Variants in SCHIP1 observed in about 807,000 individuals in gnomAD.
SCHIP1 encodes schwannomin-interacting protein 1.
A neutral mutation model predicts 29.7 loss-of-function variants in SCHIP1; 8 were observed. The observed-to-expected ratio is 0.27, with a 90% CI of 0.16 to 0.49. SCHIP1 has a LOEUF of 0.49. Ranked by LOEUF, SCHIP1 falls within the 20% of genes least tolerant of loss-of-function variation. SCHIP1 has a pLI of 0.99. For synonymous variants in SCHIP1, 76 were observed against 94.9 expected (o/e 0.80, Z 1.16); for missense variants, 193 against 294.6 (o/e 0.66, Z 2.52).
chr3:159,622,381 G>A, the SCHIP1 span, among the ~76,000 whole-genome samples: 1 of 152,028 alleles, frequency 6.6e-6, no homozygotes, highest in Non-Finnish European at 1.5e-5. Context: ...AGCATCTGTA[G>A]GCATAAAAGA....
chr3:159,462,103 G>A, the SCHIP1 span, among the ~76,000 whole-genome samples: 1 of 151,944 alleles, frequency 6.6e-6, no homozygotes, highest in African/African-American at 2.4e-5. Context: ...CTAGCTACTT[G>A]GGAGGCTGAG....
the SCHIP1 span, among the ~76,000 whole-genome samples, chr3:159,638,824 C>T: frequency 6.6e-6 from 1 of 151,874 alleles, no homozygotes; most frequent in South Asian, 2.1e-4. Flanking sequence ...TGAATATTCA[C>T]ATAATATTGA....
At chr3:159,318,953 C>A in the SCHIP1 span, among the ~76,000 whole-genome samples, 1 of 152,152 alleles carries the variant, frequency 6.6e-6, no homozygotes, top group African/African-American at 2.4e-5. Context: ...TAGTTATCTG[C>A]AGAAGATGGC....
At chr3:159,428,385 G>C in the SCHIP1 span, among the ~76,000 whole-genome samples, 1 of 151,518 alleles carries the variant, frequency 6.6e-6, no homozygotes, top group Non-Finnish European at 1.5e-5. Context: ...AGTGGGCAAA[G>C]GACATGAACA....
the SCHIP1 span, among the ~76,000 whole-genome samples, chr3:159,831,901 T>G: frequency 9.2e-6 from 1 of 109,082 alleles, no homozygotes; most frequent in Non-Finnish European, 2.0e-5. Flanking sequence ...GGGGAATGAT[T>G]GTATGTCTGT....
chr3:159,572,184 T>C, the SCHIP1 span, among the ~76,000 whole-genome samples: 1 of 151,796 alleles, frequency 6.6e-6, no homozygotes, highest in Admixed American at 6.6e-5. Context: ...ATGTGTTTGC[T>C]CTTCTCTATT....
chr3:159,628,614 C>T, the SCHIP1 span, among the ~76,000 whole-genome samples: 1 of 151,958 alleles, frequency 6.6e-6, no homozygotes, highest in East Asian at 1.9e-4. Flanking sequence ...GAAAAAAATA[C>T]AAGAATTGAA....
the SCHIP1 span, among the ~76,000 whole-genome samples, chr3:159,675,901 G>A: frequency 6.6e-6 from 1 of 152,148 alleles, no homozygotes; most frequent in Non-Finnish European, 1.5e-5. Context: ...GGAGGCTGAG[G>A]GGGGCGGATC....
At chr3:159,593,818 C>G in the SCHIP1 span, among the ~76,000 whole-genome samples, 1 of 152,226 alleles carries the variant, frequency 6.6e-6, no homozygotes, top group Non-Finnish European at 1.5e-5. Flanking sequence ...ATAGATCATG[C>G]TACTGCAAAT....
chr3:159,494,638 G>A, the SCHIP1 span, among the ~76,000 whole-genome samples: 1 of 152,134 alleles, frequency 6.6e-6, no homozygotes, highest in Admixed American at 6.5e-5. Context: ...AAAAAGTCCA[G>A]GACCAGATGG....
chr3:159,667,709 C>CA, the SCHIP1 span, among the ~76,000 whole-genome samples: 1 of 152,110 alleles, frequency 6.6e-6, no homozygotes, highest in Non-Finnish European at 1.5e-5. Context: ...TGGGGCCTGA[C>CA]AAAAAAGAAG....
At chr3:159,410,244 A>G in the SCHIP1 span, among the ~76,000 whole-genome samples, 1 of 152,152 alleles carries the variant, frequency 6.6e-6, no homozygotes, top group Non-Finnish European at 1.5e-5. Flanking sequence ...AATATACTAC[A>G]AGCACAGACA....
the SCHIP1 span, among the ~76,000 whole-genome samples, chr3:159,597,656 C>T: frequency 6.6e-6 from 1 of 152,048 alleles, no homozygotes; most frequent in Admixed American, 6.6e-5. Context: ...TGTATATATA[C>T]CACATTTTAT....
chr3:159,626,565 T>A, the SCHIP1 span, among the ~76,000 whole-genome samples: 1 of 152,156 alleles, frequency 6.6e-6, no homozygotes, highest in African/African-American at 2.4e-5. Flanking sequence ...TATTATATAA[T>A]GTGATAGTAA....
the SCHIP1 span, among the ~76,000 whole-genome samples, chr3:159,313,638 A>G: frequency 6.6e-6 from 1 of 152,340 alleles, no homozygotes; most frequent in African/African-American, 2.4e-5. Context: ...AGCCAGGTAC[A>G]GTTATCAAAG....
chr3:159,381,450 C>T, the SCHIP1 span, among the ~76,000 whole-genome samples: 4 of 152,238 alleles, frequency 2.6e-5, no homozygotes, highest in Admixed American at 1.3e-4. Context: ...GAGTCATCCT[C>T]GACACCTTTT....
chr3:159,819,833 C>G, the SCHIP1 span, among the ~76,000 whole-genome samples: 1 of 152,224 alleles, frequency 6.6e-6, no homozygotes, highest in African/African-American at 2.4e-5. Context: ...GGTGGCTGAG[C>G]TGGTGCCTGG....
the SCHIP1 span, among the ~76,000 whole-genome samples, chr3:159,773,197 T>C: frequency 2.6e-5 from 4 of 152,250 alleles, no homozygotes; most frequent in African/African-American, 9.6e-5. Flanking sequence ...TGATGCTCCC[T>C]GTGCTCTCAG....
chr3:159,739,877 C>T, the SCHIP1 span, among the ~76,000 whole-genome samples: 1 of 152,228 alleles, frequency 6.6e-6, no homozygotes, highest in Non-Finnish European at 1.5e-5. Context: ...ACCAAGTCTA[C>T]ATTTATTCTG....
Sources: gnomAD v4.1 joint callset for allele counts (sites outside exome capture counted in the v4.1 genomes callset) on GRCh38, gnomAD v4.1.1 for gene constraint, MANE v1.5 for transcripts, NCBI Gene and HGNC (gene_info 2026-07-23, HGNC 2026-07-21) for gene names.